The following BNC2 variants were observed in gnomAD, a reference collection of about 807,000 sequenced individuals.
BNC2 encodes basonuclin zinc finger protein 2, also known as zinc finger protein basonuclin-2.
BNC2 carries 20 observed loss-of-function variants against 76.3 expected under a neutral mutation model. That is an observed-to-expected ratio of 0.26 (90% CI 0.18 to 0.38). The LOEUF (loss-of-function observed/expected upper bound fraction) is 0.38, where lower values mean the gene tolerates loss of function less well. Among genes scored for constraint, BNC2 ranks in the 10% least tolerant of loss-of-function variants. The pLI is 1.00. For missense variants in BNC2, 1,382 were observed against 1,399.8 expected, an observed-to-expected ratio of 0.99 and a Z score of 0.20; for synonymous variants, 582 against 514.8, an observed-to-expected ratio of 1.13 and a Z score of -1.77.
chr9:16,484,994 T>C (rs564268323), intron 5 of BNC2, among the ~76,000 whole-genome samples: 1 of 152,108 alleles, frequency 6.6e-6, no homozygotes, highest in African/African-American at 2.4e-5. Flanking sequence ...GTGGTTATAA[T>C]TACAACCACT....
intron 3 of BNC2, among the ~76,000 whole-genome samples, chr9:16,584,504 A>G (rs528005619): frequency 6.6e-6 from 1 of 152,270 alleles, no homozygotes; most frequent in African/African-American, 2.4e-5. Flanking sequence ...TCCTCACTGT[A>G]GACTCCATTC....
At chr9:16,575,689 T>G (rs563595075) in intron 4 of BNC2, among the ~76,000 whole-genome samples, 1 of 152,302 alleles carries the variant, frequency 6.6e-6, no homozygotes, top group South Asian at 2.1e-4. Context: ...AAGAGGGCAC[T>G]GTGCCCTCAG....
At chr9:16,846,734 C>A (rs1419936593) in intron 1 of BNC2, among the ~76,000 whole-genome samples, 15 of 152,142 alleles carry the variant, frequency 9.9e-5, no homozygotes, top group Admixed American at 9.8e-4. Flanking sequence ...ACAAAAGAAG[C>A]CCCAAATTAT....
intron 3 of BNC2, among the ~76,000 whole-genome samples, chr9:16,622,718 A>C (rs1367039548): frequency 1.3e-5 from 2 of 152,180 alleles, no homozygotes; most frequent in African/African-American, 4.8e-5. Context: ...CATGGTTCTT[A>C]GGTGGGTGGC....
At chr9:16,729,927 GCT>G (rs1304732595) in intron 2 of BNC2, among the ~76,000 whole-genome samples, 1 of 151,982 alleles carries the variant, frequency 6.6e-6, no homozygotes, top group Admixed American at 6.6e-5. Flanking sequence ...TTCCACTCAG[GCT>G]CTGTTGTATC....
chr9:16,587,240 G>C (rs1819797972), intron 3 of BNC2, among the ~76,000 whole-genome samples: 2 of 144,134 alleles, frequency 1.4e-5, no homozygotes, highest in African/African-American at 5.2e-5. Context: ...AAGAGACAGA[G>C]TCTAGCTCTG....
At chr9:16,670,795 G>C (rs2134174576) in intron 3 of BNC2, among the ~76,000 whole-genome samples, 1 of 152,312 alleles carries the variant, frequency 6.6e-6, no homozygotes, top group East Asian at 1.9e-4. Flanking sequence ...ATTCAGAACA[G>C]CAAATACTCC....
intron 1 of BNC2, among the ~76,000 whole-genome samples, chr9:16,850,186 CA>C (rs1819095933): frequency 6.6e-6 from 1 of 152,012 alleles, no homozygotes; most frequent in Admixed American, 6.6e-5. Flanking sequence ...TCTCAGGCTC[CA>C]AAATTTTACT....
chr9:16,439,538 C>T (rs1458905062), intron 5 of BNC2, among the ~76,000 whole-genome samples: 4 of 152,098 alleles, frequency 2.6e-5, no homozygotes, highest in Admixed American at 2.0e-4. Flanking sequence ...AGCCACTGTG[C>T]TTTATGTAGG....
chr9:16,744,307 G>A (rs1002332155), intron 1 of BNC2, among the ~76,000 whole-genome samples: 16 of 151,768 alleles, frequency 1.1e-4, no homozygotes, highest in Admixed American at 2.6e-4. Context: ...ATTTTATGCT[G>A]GTATGAAAAA....
At position 16,411,876 on chromosome 9, in the gene BNC2, G is replaced by T. The variant is rs1011444382; in HGVS notation, c.*7113C>A. The T allele has an allele frequency of 6.6e-6, 1 of 152,132 alleles. No individual in the cohort carries two copies. Among genetic ancestry groups the T allele is most frequent in the Non-Finnish European group, 1.5e-5 (1 of 68,022 alleles). The allele number at this position is 152,132 out of a possible 1,614,324, so 9.4% of individuals were successfully genotyped here. On this transcript the variant is annotated 3_prime_UTR_variant, in exon 7 of 7. Transcript: ENST00000380672. ...GGGCCAACTATCTTCTCTGAGATGCGCTGCGGGAAGGTTGGAAGGAAGCAT... is the reference window on the plus strand; with the variant it reads ...GGGCCAACTATCTTCTCTGAGATGCTCTGCGGGAAGGTTGGAAGGAAGCAT...
Position 16,749,595 on chromosome 9 carries a change from G to T in BNC2, c.4-11110C>A, listed in dbSNP as rs151322205. On this transcript the variant is annotated intron_variant, in intron 1 of 6. Coordinates refer to ENST00000380672, the MANE Select transcript of BNC2 (RefSeq NM_017637.6). Reference sequence around the variant, plus strand: ...CATGCCTGTGGTCCCTACTACTCAGGAGGCTGAGGTGGGAAGATTGCTTGA... The same window carrying T: ...CATGCCTGTGGTCCCTACTACTCAGTAGGCTGAGGTGGGAAGATTGCTTGA... Among the ~76,000 whole-genome samples the T allele has an allele frequency of 2.6e-3, 392 of 152,174 alleles. 3 individuals are homozygous for T. The highest frequency in any genetic ancestry group is 5.7e-3 in the Admixed American group (87 of 15,286).
At position 16,691,541 on chromosome 9, in the gene BNC2, A is replaced by C. The variant is rs376356399; in HGVS notation, c.330+36256T>G. 1.0e-4 allele frequency among the ~76,000 whole-genome samples: 13 copies of C among 126,104 alleles called. No individual in the cohort carries two copies. In the East Asian group the frequency reaches 2.0e-3, roughly 20 times the overall value. The allele number at this position is 126,104 out of a possible 152,430, so 82.7% of individuals were successfully genotyped here. The stretch of plus-strand genomic sequence containing the variant: ...TTTTTTTTTTTTGAAACAGAGTCTC[A>C]TTCTGTCACCCAGGCTGGAACGCAG... On this transcript the variant is annotated intron_variant, in intron 3 of 6. Transcript: ENST00000380672.
intron 3 of BNC2, among the ~76,000 whole-genome samples, chr9:16,653,513 G>A (rs539018941): frequency 2.6e-5 from 4 of 152,086 alleles, no homozygotes; most frequent in Non-Finnish European, 4.4e-5. Context: ...AAGCACACAC[G>A]CTCCCTCCAA....
intron 3 of BNC2, among the ~76,000 whole-genome samples, chr9:16,687,282 A>T: frequency 6.6e-6 from 1 of 152,202 alleles, no homozygotes; most frequent in East Asian, 1.9e-4. Flanking sequence ...TATGAAAGAA[A>T]TTACAAAGAA....
At chr9:16,858,805 C>T (rs1416052807) in intron 1 of BNC2, among the ~76,000 whole-genome samples, 1 of 151,322 alleles carries the variant, frequency 6.6e-6, no homozygotes, top group Non-Finnish European at 1.5e-5. Flanking sequence ...AAGATTGCAC[C>T]ACTGCACTCC....
intron 3 of BNC2, among the ~76,000 whole-genome samples, chr9:16,719,649 G>C (rs751954560): frequency 6.6e-6 from 1 of 152,208 alleles, no homozygotes; most frequent in East Asian, 1.9e-4. Context: ...ATATGTTTCA[G>C]TCTTGTCAAT....
At chr9:16,803,166 C>A (rs764139402) in intron 1 of BNC2, among the ~76,000 whole-genome samples, 1 of 152,122 alleles carries the variant, frequency 6.6e-6, no homozygotes, top group Non-Finnish European at 1.5e-5. Context: ...CTGTGTGTTT[C>A]CAACAAAGCA....
At chr9:16,827,063 G>C (rs192951071) in intron 1 of BNC2, among the ~76,000 whole-genome samples, 2 of 152,284 alleles carry the variant, frequency 1.3e-5, no homozygotes, top group East Asian at 3.9e-4. Flanking sequence ...TTACCAATTA[G>C]ACTTGGAGAT....
Sources: allele counts gnomAD v4.1 joint callset (sites outside exome capture counted in the v4.1 genomes callset), GRCh38; gene constraint gnomAD v4.1.1; transcripts MANE v1.5; gene names NCBI Gene and HGNC (gene_info 2026-07-23, HGNC 2026-07-21).